LOXL3: variants seen among roughly 807,000 people sequenced by gnomAD.
LOXL3 encodes the protein lysyl oxidase like 3.
Under a neutral mutation model 91.8 loss-of-function variants are expected in LOXL3, and 60 were observed. That is an observed-to-expected ratio of 0.65 (90% CI 0.53 to 0.81). The LOEUF is 0.81. LOXL3 is among the 30% of genes least tolerant of loss of function. The pLI is 0.00. For missense variants in LOXL3, 874 were observed against 1,000.4 expected (o/e 0.87, Z 1.70); for synonymous variants, 355 against 387.6 (o/e 0.92, Z 0.99).
At position 74,534,010 on chromosome 2, in the gene LOXL3, G is replaced by C. The variant is rs972561636; in HGVS notation, c.2077-17C>G. 8 of 1,612,770 alleles carry C rather than the reference G, an allele frequency of 5.0e-6. No homozygotes were observed. In the African/African-American group the frequency reaches 1.1e-4, roughly 22 times the overall value. On this transcript the variant is annotated splice_polypyrimidine_tract_variant and intron_variant, in intron 12 of 13. Coordinates refer to ENST00000264094, the MANE Select transcript of LOXL3 (RefSeq NM_032603.5). The stretch of plus-strand genomic sequence containing the variant: ...GATGACAACCTGTGAGTGAGAAAAA[G>C]GCCACTTAACCCAGCGACAATCCTC...
upstream of LOXL3, chr2:74,555,014 C>T: frequency 7.3e-7 from 1 of 1,370,794 alleles, no homozygotes; most frequent in Non-Finnish European, 9.9e-7. This position sits in a 1 kb window ranked among gnomAD's most constrained non-coding sequence, Gnocchi z 6.1. Context: ...GGAGTGGCAT[C>T]GTCCTTGGGA....
chr2:74,536,285 C>T lies in LOXL3; in HGVS notation c.1093+6G>A. 6.2e-7 allele frequency: 1 copy of T among 1,613,554 alleles called. No individual in the cohort carries two copies. The highest frequency in any genetic ancestry group is 1.1e-5 in the South Asian group (1 of 91,052). ...CCCTCTCCCTCCCACCTCCATGCCA[C>T]CTCACCCTGCCCCATGCGAGCGCCA... On this transcript the variant is annotated splice_donor_region_variant and intron_variant, in intron 6 of 13. Transcript: ENST00000264094. This position sits in a 1 kb window ranked among gnomAD's most constrained non-coding sequence, Gnocchi z 4.5.
In LOXL3 at chr2:74,536,669, C is replaced by T; in HGVS notation, c.912+40G>A. The T allele has an allele frequency of 3.8e-6, 6 of 1,598,836 alleles. No homozygotes were observed. Among genetic ancestry groups the T allele is most frequent in the Non-Finnish European group, 5.1e-6 (6 of 1,167,378 alleles). ...TGGGGTTGCCAGGCTAGGGGTTCTC[C>T]ACCTGGGGTGGGAAAGGTCATAATC... On this transcript the variant is annotated intron_variant, in intron 5 of 13. Transcript: ENST00000264094. The surrounding 1 kb of genome is among the most constrained non-coding windows in gnomAD (Gnocchi z 4.5).
Position 74,536,146 on chromosome 2 carries a change from C to T in LOXL3, c.1098G>A (p.Met366Ile). ...ALSGARMGQG[M>I]GAIHLSEVRC... ...GAACTTCACTCAGGTGGATAGCACCCATGCCTAGGGCCAGATGGCAAAGAT... is the reference window on the plus strand; with the variant it reads ...GAACTTCACTCAGGTGGATAGCACCTATGCCTAGGGCCAGATGGCAAAGAT... Residue 366 changes from methionine (M) to isoleucine (I), a missense_variant, in exon 7 of 14, where the codon ATG becomes ATA. By Grantham distance (10) the Met-to-Ile change is conservative (BLOSUM62 1). Coordinates refer to ENST00000264094, the MANE Select transcript of LOXL3 (RefSeq NM_032603.5). The surrounding 1 kb of genome is among the most constrained non-coding windows in gnomAD (Gnocchi z 4.5). 2 of 1,613,636 alleles carry T rather than the reference C, an allele frequency of 1.2e-6. No individual in the cohort carries two copies. Among genetic ancestry groups the T allele is most frequent in the Non-Finnish European group, 1.7e-6 (2 of 1,180,010 alleles).
intron 4 of LOXL3, among the ~76,000 whole-genome samples, chr2:74,546,542 C>T (rs944983774): frequency 8.5e-5 from 13 of 152,122 alleles, no homozygotes; most frequent in Non-Finnish European, 1.8e-4. Context: ...CATACACACA[C>T]AGGCACACAC....
chr2:74,549,547 G>A lies in LOXL3; in HGVS notation c.514C>T (p.Arg172Ter), dbSNP rs751096939. ...CGTCTGCCCCACCCAACGGCGGGTCGAATTCGCACCTCCTCCACTTGCAGG... is the reference window on the plus strand; with the variant it reads ...CGTCTGCCCCACCCAACGGCGGGTCAAATTCGCACCTCCTCCACTTGCAGG... ...HHLQVEEVRI[R>*]PAVGWGRRPL... The change falls in exon 4 of 14, where the codon CGA becomes TGA. Residue 172 changes from arginine to a stop codon, truncating the protein, a stop_gained. Coordinates refer to ENST00000264094, the MANE Select transcript of LOXL3 (RefSeq NM_032603.5). LOFTEE classifies it high-confidence loss of function. The surrounding 1 kb of genome is among the most constrained non-coding windows in gnomAD (Gnocchi z 5.3). The A allele has an allele frequency of 6.2e-7, 1 of 1,611,514 alleles. No individual in the cohort carries two copies. Among genetic ancestry groups the A allele is most frequent in the Non-Finnish European group, 8.5e-7 (1 of 1,178,360 alleles).
chr2:74,555,292 C>T (rs1455007028), upstream of LOXL3: 1 of 1,614,122 alleles, frequency 6.2e-7, no homozygotes, highest in Admixed American at 1.7e-5. The surrounding 1 kb of genome is among the most constrained non-coding windows in gnomAD (Gnocchi z 6.1). Flanking sequence ...AGTGATCCGT[C>T]TGGCTGAGTG....
intron 4 of LOXL3, among the ~76,000 whole-genome samples, chr2:74,544,601 C>T (rs1676501945): frequency 6.6e-6 from 1 of 152,138 alleles, no homozygotes; most frequent in South Asian, 2.1e-4. Flanking sequence ...GTAAATAGTT[C>T]AATTATCTGT....
chr2:74,536,016 A>C lies in LOXL3; in HGVS notation c.1228T>G (p.Tyr410Asp). Reference sequence around the variant, plus strand: ...CTGACCCTGGTCTCTGCCCCAGTGTAAGGTAGGTTGCACCGGACCCCGGCA... The same window carrying C: ...CTGACCCTGGTCTCTGCCCCAGTGTCAGGTAGGTTGCACCGGACCCCGGCA... ...QDAGVRCNLP[Y>D]TGAETRIRLS... Residue 410 changes from tyrosine to aspartate, a missense_variant, in exon 7 of 14, where the codon TAC becomes GAC. Coordinates refer to ENST00000264094, the MANE Select transcript of LOXL3 (RefSeq NM_032603.5). The surrounding 1 kb of genome is among the most constrained non-coding windows in gnomAD (Gnocchi z 4.5). The C allele has an allele frequency of 6.3e-7, 1 of 1,589,126 alleles. No individual in the cohort carries two copies. Among genetic ancestry groups the C allele is most frequent in the Non-Finnish European group, 8.6e-7 (1 of 1,168,274 alleles).
Position 74,535,517 on chromosome 2 carries a change from A to T in LOXL3, c.1417-63T>A. 1 of 1,611,838 alleles carries T rather than the reference A, an allele frequency of 6.2e-7. No homozygotes were observed. The highest frequency in any genetic ancestry group is 8.5e-7 in the Non-Finnish European group (1 of 1,179,652). On this transcript the variant is annotated intron_variant, in intron 8 of 13. Coordinates refer to ENST00000264094, the MANE Select transcript of LOXL3 (RefSeq NM_032603.5). This position sits in a 1 kb window ranked among gnomAD's most constrained non-coding sequence, Gnocchi z 4.2. ...TCCAGCATCTTGGGCCAAGGGACTCATTCCTCAGCCCTCTGCCCAAAACAC... is the reference window on the plus strand; with the variant it reads ...TCCAGCATCTTGGGCCAAGGGACTCTTTCCTCAGCCCTCTGCCCAAAACAC...
upstream of LOXL3, chr2:74,555,513 C>T (rs1399211174): frequency 1.2e-5 from 20 of 1,612,184 alleles, no homozygotes; most frequent in Non-Finnish European, 1.6e-5. This position sits in a 1 kb window ranked among gnomAD's most constrained non-coding sequence, Gnocchi z 6.1. Context: ...ATGGGGCTGC[C>T]TCAGACCGAC....
Position 74,536,443 on chromosome 2 carries a change from TG to T in LOXL3, c.940del (p.His314ThrfsTer7). The T allele has an allele frequency of 6.2e-7, 1 of 1,613,766 alleles. No individual in the cohort carries two copies. The highest frequency in any genetic ancestry group is 8.5e-7 in the Non-Finnish European group (1 of 1,179,962). ...EARVRLKGGAHPGEGRVEVLK... is the reference protein window; with the variant it reads ...EARVRLKGGAXPGEGRVEVLK... The stretch of plus-strand genomic sequence containing the variant: ...GACTTCTACCCGGCCCTCTCCAGGG[TG>T]GGCGCCGCCCTTTAGACGGACACGG... On this transcript the variant is annotated frameshift_variant, in exon 6 of 14. Transcript: ENST00000264094. LOFTEE classifies it high-confidence loss of function. This position sits in a 1 kb window ranked among gnomAD's most constrained non-coding sequence, Gnocchi z 4.5.
intron 4 of LOXL3, among the ~76,000 whole-genome samples, chr2:74,538,781 A>AC (rs1368868889): frequency 1.3e-5 from 2 of 152,214 alleles, no homozygotes; most frequent in African/African-American, 4.8e-5. Context: ...GTAACCTCTT[A>AC]CAGGAGACGC....
intron 4 of LOXL3, among the ~76,000 whole-genome samples, chr2:74,547,009 C>T (rs909465640): frequency 2.6e-5 from 4 of 151,908 alleles, no homozygotes; most frequent in Non-Finnish European, 4.4e-5. Context: ...CCACCGTGCC[C>T]GGCCTTAGTT....
intron 4 of LOXL3, among the ~76,000 whole-genome samples, chr2:74,541,778 T>G (rs1242402835): frequency 1.3e-5 from 2 of 151,226 alleles, no homozygotes; most frequent in Admixed American, 6.6e-5. Flanking sequence ...TTTATATATA[T>G]ATATACACAA....
At chr2:74,548,459 G>A (rs1390060364) in intron 4 of LOXL3, among the ~76,000 whole-genome samples, 1 of 152,136 alleles carries the variant, frequency 6.6e-6, no homozygotes, top group Non-Finnish European at 1.5e-5. Flanking sequence ...CGGGGTTGAG[G>A]ATTTCTACAG....
In LOXL3 at chr2:74,532,805, C is replaced by A. The variant is rs377053459; in HGVS notation, c.*801G>T. 9 of 1,613,934 alleles carry A rather than the reference C, an allele frequency of 5.6e-6. No homozygotes were observed. In the African/African-American group the frequency reaches 9.3e-5, roughly 17 times the overall value. ...TTGTACTCCTTCCTTTCTCTCTGTC[C>A]ATTTTTCTCTATAGGGCTGGTCTGC... On this transcript the variant is annotated 3_prime_UTR_variant, in exon 14 of 14. Transcript: ENST00000264094.
chr2:74,535,727 T>C lies in LOXL3; in HGVS notation c.1277A>G (p.His426Arg). The C allele has an allele frequency of 1.9e-6, 3 of 1,591,130 alleles. No homozygotes were observed. The highest frequency in any genetic ancestry group is 1.1e-5 in the South Asian group (1 of 87,972). Residue 426 changes from histidine (H) to arginine (R), a missense_variant, in exon 8 of 14, where the codon CAT (histidine) becomes CGT (arginine). His to Arg is a conservative substitution (Grantham distance 29, BLOSUM62 0). Coordinates refer to ENST00000264094, the MANE Select transcript of LOXL3 (RefSeq NM_032603.5). This position sits in a 1 kb window ranked among gnomAD's most constrained non-coding sequence, Gnocchi z 4.2. ...TATTTGCACCTCGACTCGCCCCTCA[T>C]GTTGGCTGCGGCCCCCACTGAGTCG... ...RIRLSGGRSQHEGRVEVQIGG... is the reference protein window; with the variant it reads ...RIRLSGGRSQREGRVEVQIGG...
rs1190465936 is a variant in LOXL3 at position 74,536,433 on chromosome 2, C to G, written c.951G>C (p.Glu317Asp). 1 of 1,614,078 alleles carries G rather than the reference C, an allele frequency of 6.2e-7. No homozygotes were observed. Among genetic ancestry groups the G allele is most frequent in the Non-Finnish European group, 8.5e-7 (1 of 1,180,032 alleles). ...VRLKGGAHPG[E>D]GRVEVLKAST... ...TGGCCTTCAGGACTTCTACCCGGCC[C>G]TCTCCAGGGTGGGCGCCGCCCTTTA... The change falls in exon 6 of 14, where the codon GAG becomes GAC. Residue 317 changes from glutamate (E) to aspartate (D), a missense_variant. Coordinates refer to ENST00000264094, the MANE Select transcript of LOXL3 (RefSeq NM_032603.5). The surrounding 1 kb of genome is among the most constrained non-coding windows in gnomAD (Gnocchi z 4.5).
Sources: gnomAD v4.1 joint callset for allele counts (sites outside exome capture counted in the v4.1 genomes callset) on GRCh38, gnomAD v4.1.1 for gene constraint, Gnocchi (gnomAD v3.1) non-coding constraint, MANE v1.5 for transcripts, NCBI Gene and HGNC (gene_info 2026-07-23, HGNC 2026-07-21) for gene names.